Variants in SARNP observed in about 807,000 individuals in gnomAD.
The protein encoded by SARNP is SAP domain-containing ribonucleoprotein.
Under a neutral mutation model 38.1 loss-of-function variants are expected in SARNP, and 5 were observed. That is an observed-to-expected ratio of 0.13 (90% confidence interval 0.07 to 0.28). The LOEUF is 0.28. Ranked by LOEUF, SARNP falls within the 10% of genes least tolerant of loss-of-function variation. SARNP has a pLI of 1.00. For missense variants in SARNP, 180 were observed against 243.9 expected (o/e 0.74, Z 1.75); for synonymous variants, 84 against 80.6 (o/e 1.04, Z -0.23).
chr12:55,813,104 C>G (rs905969883), intron 1 of SARNP, among the ~76,000 whole-genome samples: 2 of 152,120 alleles, frequency 1.3e-5, no homozygotes, highest in African/African-American at 2.4e-5. Flanking sequence ...CGCCACCAGG[C>G]CCAGCTACTT....
downstream of SARNP, chr12:55,755,965 T>C (rs533393615): frequency 6.6e-6 from 1 of 152,326 alleles, no homozygotes; most frequent in East Asian, 1.9e-4. Flanking sequence ...AAAGATCCAC[T>C]GTTCCACTTC....
chr12:55,804,361 A>G (rs1880072172), intron 1 of SARNP, among the ~76,000 whole-genome samples: 1 of 152,028 alleles, frequency 6.6e-6, no homozygotes, highest in Non-Finnish European at 1.5e-5. Context: ...AATAGGAGGA[A>G]GGAGAATTGA....
At chr12:55,792,535 CTTTTTTTTT>C (rs71074859) in intron 7 of SARNP, 1 of 103,196 alleles carries the variant, frequency 9.7e-6, no homozygotes, top group Non-Finnish European at 1.9e-5. Flanking sequence ...CCACACCCAG[CTTTTTTTTT>C]TTTTTTTTTT....
intron 9 of SARNP, among the ~76,000 whole-genome samples, chr12:55,780,880 A>G (rs1879322461): frequency 6.6e-6 from 1 of 152,300 alleles, no homozygotes. Flanking sequence ...TAAAACTTAT[A>G]AACTGTTTGT....
intron 4 of SARNP, among the ~76,000 whole-genome samples, chr12:55,799,051 AGTGT>A (rs1276099572): frequency 6.6e-6 from 1 of 152,220 alleles, no homozygotes; most frequent in Non-Finnish European, 1.5e-5. Context: ...AAGTGTGCAC[AGTGT>A]GTGTATACGT....
chr12:55,788,292 T>C (rs1213451034), intron 9 of SARNP, among the ~76,000 whole-genome samples: 1 of 152,040 alleles, frequency 6.6e-6, no homozygotes, highest in African/African-American at 2.4e-5. Context: ...ATAAACTAAA[T>C]AATATCAGTT....
At chr12:55,789,218 T>G in intron 8 of SARNP, 75 bp from the exon 9 acceptor site, 1 of 1,029,888 alleles carries the variant, frequency 9.7e-7, no homozygotes, top group East Asian at 2.4e-5. Context: ...AACTATAGTA[T>G]GAAGCTAAGA....
At chr12:55,790,711 G>A (rs1482544534) in intron 7 of SARNP, 119 bp from the exon 8 acceptor site, 3 of 984,260 alleles carry the variant, frequency 3.0e-6, no homozygotes, top group Non-Finnish European at 4.2e-6. Context: ...AGAAAAGGCA[G>A]AAATTGCATG....
intron 8 of SARNP, among the ~76,000 whole-genome samples, chr12:55,790,038 T>C (rs954152415): frequency 6.6e-6 from 1 of 151,664 alleles, no homozygotes; most frequent in Non-Finnish European, 1.5e-5. Flanking sequence ...TAAAGCAGGA[T>C]TTCATAAAGC....
chr12:55,797,303 G>T (rs912274686), intron 4 of SARNP, among the ~76,000 whole-genome samples: 1 of 152,142 alleles, frequency 6.6e-6, no homozygotes, highest in Non-Finnish European at 1.5e-5. Flanking sequence ...GAAGTCCTAC[G>T]ATATGTAACC....
chr12:55,755,364 A>C (rs1878474427), downstream of SARNP: 1 of 152,174 alleles, frequency 6.6e-6, no homozygotes, highest in African/African-American at 2.4e-5. Flanking sequence ...GGAAAAAAAG[A>C]ATAATCCTAG....
chr12:55,775,160 T>G (rs1441552829), intron 9 of SARNP, among the ~76,000 whole-genome samples: 2 of 149,794 alleles, frequency 1.3e-5, no homozygotes, highest in Admixed American at 6.7e-5. Context: ...GCACTGGGAT[T>G]ACAGGTGCGA....
At chr12:55,779,990 A>AT (rs1231122401) in intron 9 of SARNP, among the ~76,000 whole-genome samples, 2 of 152,112 alleles carry the variant, frequency 1.3e-5, no homozygotes, top group Non-Finnish European at 2.9e-5. Flanking sequence ...CCACAAAAAA[A>AT]TTGAAAAATT....
At chr12:55,790,801 A>G (rs1017179836) in intron 7 of SARNP, among the ~76,000 whole-genome samples, 2 of 152,228 alleles carry the variant, frequency 1.3e-5, no homozygotes, top group Non-Finnish European at 2.9e-5. Context: ...GCAGTTCCTC[A>G]AAAGATAAAT....
chr12:55,779,956 G>A (rs1245380325), intron 9 of SARNP, among the ~76,000 whole-genome samples: 1 of 152,158 alleles, frequency 6.6e-6, no homozygotes, highest in African/African-American at 2.4e-5. Flanking sequence ...AGACCAGCTT[G>A]GGTAACACAG....
intron 9 of SARNP, among the ~76,000 whole-genome samples, chr12:55,784,648 G>A (rs35092420): frequency 0.11 from 16,962 of 152,148 alleles, 1,274 homozygotes; most frequent in Non-Finnish European, 0.17. Context: ...TAATTTCTAC[G>A]CCACTCACAA....
At chr12:55,787,869 C>T (rs935566735) in intron 9 of SARNP, among the ~76,000 whole-genome samples, 3 of 152,056 alleles carry the variant, frequency 2.0e-5, no homozygotes, top group African/African-American at 7.2e-5. Context: ...CTGCCTCAGC[C>T]TCCTGAGTAG....
In SARNP at chr12:55,757,507, T is replaced by C. The variant is rs7068; in HGVS notation, c.*5A>G. 446,851 of 1,601,562 alleles carry C rather than the reference T, an allele frequency of 0.28. 65,656 individuals carry two copies. The highest frequency in any genetic ancestry group is 0.33 in the East Asian group (14,766 of 44,700). On this transcript the variant is annotated 3_prime_UTR_variant, in exon 11 of 11. Coordinates refer to ENST00000336133, the MANE Select transcript of SARNP (RefSeq NM_033082.4). ...TGGAGAACAGAAAGTATCAGGAACT[T>C]TTCATCAGGCAATCCCAAAGCGCTC...
rs546779742 is a variant in SARNP, at chr12:55,770,264, C to T, written c.502-9624G>A. Among the ~76,000 whole-genome samples the T allele has an allele frequency of 1.1e-3, 163 of 149,096 alleles. 1 individual carries two copies. Among genetic ancestry groups the T allele is most frequent in the African/African-American group, 3.9e-3 (159 of 40,630 alleles). On this transcript the variant is annotated intron_variant, in intron 9 of 10. Transcript: ENST00000336133. ...TTTTTGAGATGGAGTCTCGCTCTGT[C>T]GCCCAGGCTGGAGTGCAGTGGCGTG...
Sources: gnomAD v4.1 joint callset for allele counts (sites outside exome capture counted in the v4.1 genomes callset) on GRCh38, gnomAD v4.1.1 for gene constraint, MANE v1.5 for transcripts, NCBI Gene and HGNC (gene_info 2026-07-23, HGNC 2026-07-21) for gene names.